GABRG3: variants seen among roughly 807,000 people sequenced by gnomAD.
The protein encoded by GABRG3 is gamma-aminobutyric acid receptor subunit gamma-3.
In GABRG3, 25 loss-of-function variants were observed where a neutral mutation model predicts 48.8. The observed-to-expected ratio is 0.51, with a 90% confidence interval of 0.37 to 0.72. The LOEUF (loss-of-function observed/expected upper bound fraction) is 0.72. GABRG3 is among the 30% of genes least tolerant of loss of function. The probability of loss-of-function intolerance (pLI) is 0.00; values close to 1 mark genes in which losing one functional copy is unlikely to be tolerated. For missense variants in GABRG3, 394 were observed against 577.9 expected, an observed-to-expected ratio of 0.68 and a Z score of 3.26; for synonymous variants, 227 against 217.6, an observed-to-expected ratio of 1.04 and a Z score of -0.38.
chr15:27,173,707 A>G (rs2140412425), intron 3 of GABRG3, among the ~76,000 whole-genome samples: 1 of 140,032 alleles, frequency 7.1e-6, no homozygotes, highest in East Asian at 2.0e-4. Flanking sequence ...ATCGCTGCCA[A>G]AAAAAAAAAA....
At chr15:27,226,143 G>C (rs1444090980) in intron 3 of GABRG3, among the ~76,000 whole-genome samples, 6 of 152,128 alleles carry the variant, frequency 3.9e-5, no homozygotes, top group South Asian at 4.1e-4. Flanking sequence ...AGGGCCCTGA[G>C]CTGGCAGAGG....
intron 5 of GABRG3, among the ~76,000 whole-genome samples, chr15:27,330,439 GTCCAGA>G (rs1387400208): frequency 1.3e-5 from 2 of 152,144 alleles, no homozygotes; most frequent in African/African-American, 2.4e-5. Flanking sequence ...GGAGGCCCAG[GTCCAGA>G]TCCAGAGACC....
intron 3 of GABRG3, among the ~76,000 whole-genome samples, chr15:27,285,871 C>T (rs1891593076): frequency 6.6e-6 from 1 of 152,194 alleles, no homozygotes. Flanking sequence ...GCTCAAGTAG[C>T]AGTTCCTTCG....
Position 27,439,061 on chromosome 15 carries a change from T to C in GABRG3, c.575-41589T>C, listed in dbSNP as rs115309790. ...AAAGAGGCCAACAGGAAAAGCCACC[T>C]TGTTTTTGCTGTTAACTTTCTCCTC... On this transcript the variant is annotated intron_variant, in intron 5 of 9. Transcript: ENST00000615808. Among the ~76,000 whole-genome samples the C allele has an allele frequency of 2.4e-3, 368 of 152,256 alleles. 1 individual carries two copies. The highest frequency in any genetic ancestry group is 8.4e-3 in the African/African-American group (350 of 41,550).
At chr15:27,316,070 C>G (rs1384859326) in intron 3 of GABRG3, among the ~76,000 whole-genome samples, 1 of 152,134 alleles carries the variant, frequency 6.6e-6, no homozygotes, top group Non-Finnish European at 1.5e-5. Context: ...TAATTAAATG[C>G]TATTTTCAGC....
intron 5 of GABRG3, among the ~76,000 whole-genome samples, chr15:27,460,590 G>T (rs1889419410): frequency 6.6e-6 from 1 of 152,184 alleles, no homozygotes; most frequent in Non-Finnish European, 1.5e-5. Context: ...ATTACATGCT[G>T]GTTTGGCCTG....
At chr15:27,362,437 G>C (rs977976330) in intron 5 of GABRG3, 13 of 152,170 alleles carry the variant, frequency 8.5e-5, no homozygotes, top group East Asian at 1.9e-4. Context: ...GTTTGAATCA[G>C]CCTGTGAAGA....
chr15:27,081,519 C>A (rs1896991984), intron 3 of GABRG3, among the ~76,000 whole-genome samples: 1 of 151,788 alleles, frequency 6.6e-6, no homozygotes. Context: ...AAAATATGTT[C>A]ATTGTTTGAG....
chr15:27,007,531 C>T (rs1895609299), intron 2 of GABRG3, among the ~76,000 whole-genome samples: 1 of 152,188 alleles, frequency 6.6e-6, no homozygotes, highest in South Asian at 2.1e-4. Flanking sequence ...ACATTCCCAT[C>T]AGCAGTGGAT....
At position 26,974,603 on chromosome 15, in the gene GABRG3, G is replaced by A. The variant is rs113530263; in HGVS notation, c.54-2399G>A. On this transcript the variant is annotated intron_variant, in intron 1 of 9. Transcript: ENST00000615808. This position sits in a 1 kb window ranked among gnomAD's most constrained non-coding sequence, Gnocchi z 4.3. Reference sequence around the variant, plus strand: ...AGCAGAGGGAGGGAGGAAGGCACCTGGGCTGAGTCGCCAAGTGTCCTGAGC... The same window carrying A: ...AGCAGAGGGAGGGAGGAAGGCACCTAGGCTGAGTCGCCAAGTGTCCTGAGC... 7.9e-3 allele frequency among the ~76,000 whole-genome samples: 1,200 copies of A among 151,912 alleles called. 7 individuals are homozygous for A. The highest frequency in any genetic ancestry group is 0.014 in the Middle Eastern group (4 of 294).
At chr15:27,167,100 G>T (rs1044142624) in intron 3 of GABRG3, among the ~76,000 whole-genome samples, 17 of 152,146 alleles carry the variant, frequency 1.1e-4, no homozygotes, top group African/African-American at 3.9e-4. Flanking sequence ...TCTCATGCCT[G>T]TGTCCCCGGC....
intron 3 of GABRG3, among the ~76,000 whole-genome samples, chr15:27,135,890 G>A (rs1296287315): frequency 2.0e-5 from 3 of 152,262 alleles, no homozygotes; most frequent in Non-Finnish European, 1.5e-5. Flanking sequence ...GAGCAACAGA[G>A]CCAGACTTTG....
chr15:27,230,385 T>C (rs1048928396), intron 3 of GABRG3, among the ~76,000 whole-genome samples: 3 of 152,220 alleles, frequency 2.0e-5, no homozygotes, highest in African/African-American at 7.2e-5. Context: ...AATGTCACTA[T>C]AGACGGCCGA....
intron 5 of GABRG3, among the ~76,000 whole-genome samples, chr15:27,467,255 G>A (rs959541666): frequency 9.2e-5 from 14 of 152,058 alleles, no homozygotes; most frequent in African/African-American, 2.2e-4. Flanking sequence ...AATCCCATCC[G>A]GTCACTCTCA....
At chr15:27,264,607 A>C (rs922364523) in intron 3 of GABRG3, among the ~76,000 whole-genome samples, 2 of 112,488 alleles carry the variant, frequency 1.8e-5, no homozygotes, top group African/African-American at 7.0e-5. Context: ...AAAACCCTCA[A>C]ACCAGCTTAA....
At chr15:27,524,631 T>C (rs555366725) in intron 7 of GABRG3, among the ~76,000 whole-genome samples, 8 of 152,060 alleles carry the variant, frequency 5.3e-5, no homozygotes, top group Non-Finnish European at 8.8e-5. Context: ...TACATTTCAG[T>C]CACATTGGTA....
At chr15:27,080,519 A>G (rs144469409) in intron 3 of GABRG3, among the ~76,000 whole-genome samples, 4 of 152,192 alleles carry the variant, frequency 2.6e-5, no homozygotes, top group East Asian at 1.9e-4. Flanking sequence ...TGGCTTGCAC[A>G]TGTATTCCGA....
In GABRG3 at chr15:27,502,614, C is replaced by G. The variant is rs374743913; in HGVS notation, c.713-17358C>G. Among the ~76,000 whole-genome samples, 6 of 152,144 alleles carry G rather than the reference C, an allele frequency of 3.9e-5. No individual in the cohort carries two copies. The East Asian group carries it at 9.6e-4, about 24-fold the overall frequency. ...TTGAGGGCTCTGTCCTTAAAACCAC[C>G]CCACACTTAAGACACCAGTCCCAAG... On this transcript the variant is annotated intron_variant, in intron 6 of 9. Coordinates refer to ENST00000615808, the MANE Select transcript of GABRG3 (RefSeq NM_033223.5).
intron 5 of GABRG3, among the ~76,000 whole-genome samples, chr15:27,452,567 C>A (rs933828983): frequency 6.6e-6 from 1 of 152,094 alleles, no homozygotes; most frequent in Non-Finnish European, 1.5e-5. Context: ...TGGATTCTTA[C>A]CACAAAATAA....
Sources: gnomAD v4.1 joint callset for allele counts (sites outside exome capture counted in the v4.1 genomes callset) on GRCh38, gnomAD v4.1.1 for gene constraint, Gnocchi (gnomAD v3.1) non-coding constraint, MANE v1.5 for transcripts, NCBI Gene and HGNC (gene_info 2026-07-23, HGNC 2026-07-21) for gene names.